DLGAP2: variants seen among roughly 807,000 people sequenced by gnomAD.
DLGAP2 encodes DLG associated protein 2.
Under a neutral mutation model 100.3 loss-of-function variants are expected in DLGAP2, and 26 were observed. The observed-to-expected ratio is 0.26, with a 90% CI of 0.19 to 0.36. The LOEUF is 0.36. Among genes scored for constraint, DLGAP2 ranks in the 10% least tolerant of loss-of-function variants. DLGAP2 has a pLI of 1.00. For synonymous variants in DLGAP2, 886 were observed against 630.1 expected, an observed-to-expected ratio of 1.41 and a Z score of -6.08; for missense variants, 1,858 against 1,453.2, an observed-to-expected ratio of 1.28 and a Z score of -4.53.
chr8:1,428,442 G>C (rs1428475474), intron 3 of DLGAP2, among the ~76,000 whole-genome samples: 1 of 152,116 alleles, frequency 6.6e-6, no homozygotes, highest in African/African-American at 2.4e-5. Flanking sequence ...AAGAGTGAGT[G>C]AGTATGTGCC....
At chr8:1,481,849 A>T (rs2130248326) in intron 3 of DLGAP2, among the ~76,000 whole-genome samples, 1 of 152,334 alleles carries the variant, frequency 6.6e-6, no homozygotes. Flanking sequence ...TGGCTGGCCC[A>T]GAAAACTAAA....
chr8:1,596,088 G>A (rs1009919857), intron 6 of DLGAP2, among the ~76,000 whole-genome samples: 8 of 138,932 alleles, frequency 5.8e-5, no homozygotes, highest in Non-Finnish European at 3.0e-5. Flanking sequence ...GGTTCTCATC[G>A]TTCATCTCCC....
intron 1 of DLGAP2, among the ~76,000 whole-genome samples, chr8:873,555 A>G (rs73534165): frequency 6.6e-6 from 1 of 152,172 alleles, no homozygotes; most frequent in Non-Finnish European, 1.5e-5. Context: ...TTCTCTATAT[A>G]TAATTGCTGC....
At chr8:1,039,022 C>G (rs2600509) in intron 2 of DLGAP2, among the ~76,000 whole-genome samples, 43,771 of 152,176 alleles carry the variant, frequency 0.29, 7,161 homozygotes, top group Middle Eastern at 0.38. Flanking sequence ...CAGTTGATTT[C>G]TGTAATTTTT....
chr8:1,442,146 C>T (rs185957450), intron 3 of DLGAP2, among the ~76,000 whole-genome samples: 1 of 152,336 alleles, frequency 6.6e-6, no homozygotes, highest in Admixed American at 6.5e-5. Flanking sequence ...CTCTGGGCTG[C>T]TGTGGGTTCA....
chr8:1,104,306 C>T (rs1042601634), intron 2 of DLGAP2, among the ~76,000 whole-genome samples: 5 of 152,042 alleles, frequency 3.3e-5, no homozygotes, highest in African/African-American at 9.7e-5. Flanking sequence ...GGGTTCCAGC[C>T]GCAGGATCAG....
chr8:1,408,483 G>T (rs1277979725), intron 3 of DLGAP2, among the ~76,000 whole-genome samples: 1 of 152,182 alleles, frequency 6.6e-6, no homozygotes, highest in Non-Finnish European at 1.5e-5. Flanking sequence ...AGCCCCCATG[G>T]CCCTGCAGAG....
rs80052750 is a variant in DLGAP2 at position 1,391,599 on chromosome 8, C to T, written c.107-109767C>T. 3.1e-3 allele frequency among the ~76,000 whole-genome samples: 472 copies of T among 152,320 alleles called. 12 individuals carry two copies. The East Asian group carries it at 0.051, about 16-fold the overall frequency. ...CATGGATGCCTCACAGAGCTGGCCC[C>T]ATGCAGAGTCCAGGAAGGGGCTGGG... On this transcript the variant is annotated intron_variant, in intron 3 of 14. Coordinates refer to ENST00000637795, the MANE Select transcript of DLGAP2 (RefSeq NM_001346810.2).
chr8:1,471,737 C>G (rs1798801302), intron 3 of DLGAP2, among the ~76,000 whole-genome samples: 1 of 152,172 alleles, frequency 6.6e-6, no homozygotes, highest in South Asian at 2.1e-4. Context: ...GGTGACGGAC[C>G]ATGCTGTGTA....
intron 1 of DLGAP2, among the ~76,000 whole-genome samples, chr8:873,609 T>G (rs1468837670): frequency 1.3e-5 from 2 of 152,220 alleles, no homozygotes; most frequent in African/African-American, 4.8e-5. Context: ...TAATCTATAT[T>G]TATGAGATAT....
intron 3 of DLGAP2, among the ~76,000 whole-genome samples, chr8:1,445,636 C>T (rs553498795): frequency 4.4e-4 from 67 of 152,318 alleles, no homozygotes; most frequent in African/African-American, 1.6e-3. Flanking sequence ...AATGGTATTT[C>T]TAGTTCTAGA....
intron 1 of DLGAP2, among the ~76,000 whole-genome samples, chr8:774,120 G>T (rs575704152): frequency 2.6e-5 from 4 of 152,260 alleles, no homozygotes; most frequent in African/African-American, 9.6e-5. Flanking sequence ...ATTTTTTCAT[G>T]TGTTTTTTGG....
intron 3 of DLGAP2, among the ~76,000 whole-genome samples, chr8:1,361,292 A>G (rs188800171): frequency 1.0e-3 from 152 of 152,272 alleles, no homozygotes; most frequent in African/African-American, 3.6e-3. Context: ...CATGGATCAC[A>G]TTCTCCCCAA....
intron 5 of DLGAP2, among the ~76,000 whole-genome samples, chr8:1,550,380 G>T (rs990324021): frequency 6.6e-6 from 1 of 152,180 alleles, no homozygotes; most frequent in Non-Finnish European, 1.5e-5. Context: ...GAGGGCCTCT[G>T]AAGATCCCGA....
intron 2 of DLGAP2, among the ~76,000 whole-genome samples, chr8:1,181,615 T>A (rs1157215911): frequency 6.6e-6 from 1 of 151,906 alleles, no homozygotes; most frequent in African/African-American, 2.4e-5. Flanking sequence ...GGTGAAATAA[T>A]CTATACAATA....
intron 3 of DLGAP2, among the ~76,000 whole-genome samples, chr8:1,499,691 A>G (rs1001496766): frequency 3.3e-5 from 5 of 152,228 alleles, no homozygotes; most frequent in African/African-American, 9.6e-5. Context: ...AACTTAATTC[A>G]GATAGCTATT....
intron 2 of DLGAP2, among the ~76,000 whole-genome samples, chr8:1,169,991 C>T (rs1479413146): frequency 2.0e-5 from 3 of 151,644 alleles, no homozygotes; most frequent in African/African-American, 7.3e-5. Flanking sequence ...CCAGTTTTTG[C>T]CCATTCAGTA....
chr8:1,520,801 A>T (rs1800568847), intron 4 of DLGAP2, among the ~76,000 whole-genome samples: 1 of 152,212 alleles, frequency 6.6e-6, no homozygotes, highest in Non-Finnish European at 1.5e-5. Flanking sequence ...GCAATTGTGA[A>T]TAATGTTGCT....
chr8:1,314,414 TA>T (rs1178138672), intron 3 of DLGAP2, among the ~76,000 whole-genome samples: 3 of 152,330 alleles, frequency 2.0e-5, no homozygotes, highest in African/African-American at 4.8e-5. Context: ...GGGCACACAA[TA>T]TTTTTTTAAA....
Sources: allele counts gnomAD v4.1 joint callset (sites outside exome capture counted in the v4.1 genomes callset), GRCh38; gene constraint gnomAD v4.1.1; transcripts MANE v1.5; gene names NCBI Gene and HGNC (gene_info 2026-07-23, HGNC 2026-07-21).